The following UBXN2A variants were observed in gnomAD, a reference collection of about 807,000 sequenced individuals.
UBXN2A encodes UBX domain-containing protein 2A.
UBXN2A carries 28 observed loss-of-function variants against 28.4 expected under a neutral mutation model. The ratio of observed to expected loss-of-function variants is 0.99; its 90% CI spans 0.73 to 1.35. UBXN2A has a LOEUF of 1.35. UBXN2A is among the 40% of genes most tolerant of loss of function. The pLI, the probability that UBXN2A is intolerant of heterozygous loss-of-function variation, is 0.00. For synonymous variants in UBXN2A, 97 were observed against 103.6 expected (o/e 0.94, Z 0.39); for missense variants, 253 against 297.9 (o/e 0.85, Z 1.11).
rs56028343 is a variant in UBXN2A at position 23,965,050 on chromosome 2, C to T, written c.42-6226C>T. On this transcript the variant is annotated intron_variant, in intron 2 of 6. Transcript: ENST00000309033. ...GTGCCACCATACCTGGCTAATTTTT[C>T]GTATTTTTTTTATAGAGATGGGGTC... Among the ~76,000 whole-genome samples, 301 of 152,078 alleles carry T rather than the reference C, an allele frequency of 2.0e-3. 1 individual carries two copies. The highest frequency in any genetic ancestry group is 6.7e-3 in the African/African-American group (277 of 41,504).
At chr2:23,979,332 G>T (rs1036782378) in intron 4 of UBXN2A, among the ~76,000 whole-genome samples, 3 of 151,498 alleles carry the variant, frequency 2.0e-5, no homozygotes, top group Non-Finnish European at 4.4e-5. Context: ...GCGACAGAGC[G>T]AGACTCTGTC....
At chr2:23,955,809 A>G (rs545991538) in intron 1 of UBXN2A, among the ~76,000 whole-genome samples, 1 of 152,354 alleles carries the variant, frequency 6.6e-6, no homozygotes, top group African/African-American at 2.4e-5. Context: ...GCAGTCCGTC[A>G]TTGACCAAAA....
intron 6 of UBXN2A, among the ~76,000 whole-genome samples, chr2:23,985,437 C>T (rs889495412): frequency 2.6e-5 from 4 of 151,924 alleles, no homozygotes; most frequent in South Asian, 2.1e-4. Flanking sequence ...TTAGTAGAGA[C>T]GGGGTTTCAC....
intron 1 of UBXN2A, among the ~76,000 whole-genome samples, chr2:23,929,561 AAAT>A (rs1269806323): frequency 3.9e-5 from 6 of 152,028 alleles, no homozygotes; most frequent in African/African-American, 1.4e-4. Context: ...AAAATACAAA[AAAT>A]TAGCCAGGCA....
chr2:23,997,269 C>G (rs1056853496), intron 6 of UBXN2A, among the ~76,000 whole-genome samples: 20 of 152,026 alleles, frequency 1.3e-4, no homozygotes, highest in Non-Finnish European at 2.2e-4. Flanking sequence ...TCTTTAAATA[C>G]TAACTTTCTG....
intron 2 of UBXN2A, among the ~76,000 whole-genome samples, chr2:23,969,875 G>A (rs1320557207): frequency 1.3e-5 from 2 of 152,154 alleles, no homozygotes; most frequent in Admixed American, 6.6e-5. Context: ...ATATTCTGAA[G>A]TGTGCAAAGG....
intron 6 of UBXN2A, among the ~76,000 whole-genome samples, chr2:23,999,206 T>C (rs1367367239): frequency 1.3e-5 from 2 of 152,202 alleles, no homozygotes; most frequent in African/African-American, 2.4e-5. Context: ...AATCCATGGC[T>C]ACATGACGAT....
intron 6 of UBXN2A, among the ~76,000 whole-genome samples, chr2:23,987,795 A>G (rs961383874): frequency 6.6e-6 from 1 of 150,882 alleles, no homozygotes; most frequent in Non-Finnish European, 1.5e-5. Context: ...AAAAAAACAA[A>G]AAAAACTTAC....
At chr2:23,976,479 G>A (rs955823429) in intron 3 of UBXN2A, among the ~76,000 whole-genome samples, 2 of 152,164 alleles carry the variant, frequency 1.3e-5, no homozygotes, top group Non-Finnish European at 1.5e-5. Context: ...GGGAAGAAAG[G>A]AAATTTAATT....
chr2:23,972,860 C>T (rs1321721206), intron 3 of UBXN2A, among the ~76,000 whole-genome samples: 4 of 152,046 alleles, frequency 2.6e-5, no homozygotes, highest in African/African-American at 7.2e-5. Context: ...TTTTATATCT[C>T]AAACCTTGAA....
At chr2:23,941,462 T>A (rs1222866452) in intron 1 of UBXN2A, among the ~76,000 whole-genome samples, 1 of 152,204 alleles carries the variant, frequency 6.6e-6, no homozygotes, top group African/African-American at 2.4e-5. Flanking sequence ...TGCTAGGCAC[T>A]GGCGGAGTCC....
intron 6 of UBXN2A, among the ~76,000 whole-genome samples, chr2:23,990,426 A>G (rs1038454300): frequency 8.6e-5 from 13 of 151,402 alleles, no homozygotes; most frequent in African/African-American, 3.2e-4. Flanking sequence ...ACTGTTACCC[A>G]TAAAGGTAGA....
intron 1 of UBXN2A, among the ~76,000 whole-genome samples, chr2:23,954,526 C>T (rs1460452002): frequency 6.6e-6 from 1 of 152,148 alleles, no homozygotes; most frequent in Non-Finnish European, 1.5e-5. Context: ...CCACCAGTAG[C>T]GTACCAGGGT....
Position 24,001,956 on chromosome 2 carries a change from T to C in UBXN2A, c.*2089T>C, listed in dbSNP as rs1309661939. The stretch of plus-strand genomic sequence containing the variant: ...AGCCTGGTGACGGAGCGAGACTCTT[T>C]CTCAAAAAAAAAAAATTATTCATTT... On this transcript the variant is annotated 3_prime_UTR_variant, in exon 7 of 7. Coordinates refer to ENST00000309033, the MANE Select transcript of UBXN2A (RefSeq NM_181713.4). The C allele has an allele frequency of 1.4e-5, 2 of 145,338 alleles. No individual in the cohort carries two copies. The highest frequency in any genetic ancestry group is 3.0e-5 in the Non-Finnish European group (2 of 66,478). 9.0% of individuals were successfully genotyped at this position (145,338 alleles called of 1,614,324 possible). A position where few individuals can be genotyped will look rare whatever the true frequency, so the allele number is the denominator to read the frequency against.
rs553317802 is a variant in UBXN2A, at chr2:24,001,959, CA to C, written c.*2104del. ...CTGGTGACGGAGCGAGACTCTTTCT[CA>C]AAAAAAAAAAATTATTCATTTAAAA... On this transcript the variant is annotated 3_prime_UTR_variant, in exon 7 of 7. Coordinates refer to ENST00000309033, the MANE Select transcript of UBXN2A (RefSeq NM_181713.4). 0.073 allele frequency: 10,221 copies of C among 139,186 alleles called. 468 individuals are homozygous for C. The highest frequency in any genetic ancestry group is 0.14 in the African/African-American group (5,503 of 38,210). 8.6% of individuals were successfully genotyped at this position (139,186 alleles called of 1,614,324 possible).
At chr2:23,988,032 A>C (rs1451271189) in intron 6 of UBXN2A, among the ~76,000 whole-genome samples, 1 of 151,004 alleles carries the variant, frequency 6.6e-6, no homozygotes, top group Admixed American at 6.6e-5. Context: ...CTGAGGCAGG[A>C]GAATCACTTG....
At chr2:23,986,044 C>T (rs1346567767) in intron 6 of UBXN2A, among the ~76,000 whole-genome samples, 2 of 152,024 alleles carry the variant, frequency 1.3e-5, no homozygotes, top group African/African-American at 4.8e-5. Flanking sequence ...CACGGTGGCT[C>T]ACACCTGTAA....
chr2:23,989,947 A>G (rs772344154), intron 6 of UBXN2A, among the ~76,000 whole-genome samples: 1 of 152,078 alleles, frequency 6.6e-6, no homozygotes, highest in Non-Finnish European at 1.5e-5. Context: ...TCTCCTTTCC[A>G]TATTTGTAAC....
chr2:23,943,215 A>G (rs1005499501), intron 1 of UBXN2A, among the ~76,000 whole-genome samples: 2 of 151,980 alleles, frequency 1.3e-5, no homozygotes, highest in South Asian at 2.1e-4. Context: ...TCAGCCTCCC[A>G]AAGTGCTGGA....
Sources: gnomAD v4.1 joint callset for allele counts (sites outside exome capture counted in the v4.1 genomes callset) on GRCh38, gnomAD v4.1.1 for gene constraint, MANE v1.5 for transcripts, NCBI Gene and HGNC (gene_info 2026-07-23, HGNC 2026-07-21) for gene names.